The following ANKFN1 variants were observed in gnomAD, a reference collection of about 807,000 sequenced individuals.
ANKFN1 encodes the protein ankyrin repeat and fibronectin type-III domain-containing protein 1.
Under a neutral mutation model 108.7 loss-of-function variants are expected in ANKFN1, and 74 were observed. That is an observed-to-expected ratio of 0.68 (90% CI 0.56 to 0.83). ANKFN1 has a LOEUF of 0.83. Among genes scored for constraint, ANKFN1 ranks in the 40% least tolerant of loss-of-function variants. The pLI is 0.00. For missense variants in ANKFN1, 1,505 were observed against 1,382.3 expected, an observed-to-expected ratio of 1.09 and a Z score of -1.41; for synonymous variants, 547 against 516.2, an observed-to-expected ratio of 1.06 and a Z score of -0.81.
intron 3 of ANKFN1, among the ~76,000 whole-genome samples, chr17:56,256,682 TTATC>T (rs201632573): frequency 0.013 from 1,962 of 152,344 alleles, 88 homozygotes; most frequent in Admixed American, 0.083. Flanking sequence ...AACAAGCCCT[TTATC>T]TATTATACAC....
At chr17:56,052,111 A>C (rs1005219247) in intron 4 of ANKFN1, among the ~76,000 whole-genome samples, 1 of 152,022 alleles carries the variant, frequency 6.6e-6, no homozygotes, top group Non-Finnish European at 1.5e-5. Context: ...CGCATTGCCA[A>C]GTCAATCCTA....
intron 5 of ANKFN1, among the ~76,000 whole-genome samples, chr17:56,352,508 A>G (rs950515215): frequency 2.2e-4 from 33 of 152,212 alleles, no homozygotes; most frequent in African/African-American, 7.2e-4. Context: ...AGATGTGTAA[A>G]TAATACGTGT....
intron 8 of ANKFN1, among the ~76,000 whole-genome samples, chr17:56,407,931 C>CTTTTTTTTTTTTTTTTTT (rs761975892): frequency 9.6e-6 from 1 of 104,622 alleles, no homozygotes; most frequent in African/African-American, 3.4e-5. Flanking sequence ...TCTTTTTTAT[C>CTTTTTTTTTTTTTTTTTT]TTTTTTTTTT....
At chr17:56,183,017 T>C (rs1021253232) in intron 1 of ANKFN1, among the ~76,000 whole-genome samples, 1 of 152,188 alleles carries the variant, frequency 6.6e-6, no homozygotes, top group African/African-American at 2.4e-5. Flanking sequence ...TATTGAAACA[T>C]GCTGCTCAGA....
chr17:56,304,225 C>T (rs80058472), intron 3 of ANKFN1, among the ~76,000 whole-genome samples: 10,075 of 152,104 alleles, frequency 0.066, 595 homozygotes, highest in African/African-American at 0.15. Flanking sequence ...TTTTACATTT[C>T]AAAAATGTTA....
At chr17:56,349,817 G>C (rs1329585351) in intron 4 of ANKFN1, among the ~76,000 whole-genome samples, 1 of 152,092 alleles carries the variant, frequency 6.6e-6, no homozygotes, top group Non-Finnish European at 1.5e-5. Context: ...TGGTGAGAAG[G>C]CAGTGACATG....
intron 3 of ANKFN1, among the ~76,000 whole-genome samples, chr17:56,311,391 T>A (rs76143725): frequency 0.028 from 4,228 of 152,242 alleles, 210 homozygotes; most frequent in African/African-American, 0.095. Flanking sequence ...CAAGTACAGG[T>A]TGAGCATCCC....
At chr17:56,235,703 A>G (rs920089951) in intron 3 of ANKFN1, among the ~76,000 whole-genome samples, 1 of 152,014 alleles carries the variant, frequency 6.6e-6, no homozygotes, top group African/African-American at 2.4e-5. Flanking sequence ...ATTCTGTTCC[A>G]TTGGCCTATG....
chr17:56,119,626 T>G (rs1158444633), intron 4 of ANKFN1, among the ~76,000 whole-genome samples: 1 of 152,168 alleles, frequency 6.6e-6, no homozygotes, highest in East Asian at 1.9e-4. Flanking sequence ...TACTTATGGC[T>G]ATTGGTAAGA....
chr17:56,326,458 T>TA (rs980917348), intron 4 of ANKFN1, 103 bp downstream of exon 4: 2 of 1,411,722 alleles, frequency 1.4e-6, no homozygotes, highest in African/African-American at 1.5e-5. Context: ...AAATGATACT[T>TA]AAAAATCTGC....
intron 11 of ANKFN1, among the ~76,000 whole-genome samples, chr17:56,449,927 C>T: frequency 6.6e-6 from 1 of 152,292 alleles, no homozygotes; most frequent in African/African-American, 2.4e-5. Context: ...CCCAGAGAAT[C>T]TCTGAGAAGG....
At chr17:56,421,953 G>A (rs746491422) in intron 8 of ANKFN1, among the ~76,000 whole-genome samples, 16 of 152,040 alleles carry the variant, frequency 1.1e-4, no homozygotes, top group African/African-American at 2.4e-4. Flanking sequence ...TTTTCCATGC[G>A]TGATGTCATA....
intron 2 of ANKFN1, among the ~76,000 whole-genome samples, chr17:56,220,826 G>C (rs1361449312): frequency 1.2e-4 from 6 of 52,104 alleles, no homozygotes; most frequent in South Asian, 7.6e-4. Flanking sequence ...AAGGAAGGAA[G>C]GAAGGGAGGA....
intron 4 of ANKFN1, among the ~76,000 whole-genome samples, chr17:56,056,060 G>A (rs1904872014): frequency 6.6e-6 from 1 of 151,596 alleles, no homozygotes; most frequent in African/African-American, 2.4e-5. Flanking sequence ...TCTTTGCCCA[G>A]TTTTTAATGT....
At chr17:56,451,697 A>G (rs2145210070) in intron 11 of ANKFN1, among the ~76,000 whole-genome samples, 1 of 152,324 alleles carries the variant, frequency 6.6e-6, no homozygotes, top group South Asian at 2.1e-4. Flanking sequence ...AGAGTAAATT[A>G]GGTGCATTAA....
At chr17:56,123,384 G>T (rs1315288580) in intron 4 of ANKFN1, among the ~76,000 whole-genome samples, 3 of 152,318 alleles carry the variant, frequency 2.0e-5, no homozygotes, top group African/African-American at 7.2e-5. Flanking sequence ...GCTTGAAGAT[G>T]ATGGGGAGGG....
chr17:56,356,051 G>A (rs552886205), intron 6 of ANKFN1, among the ~76,000 whole-genome samples: 12 of 152,130 alleles, frequency 7.9e-5, no homozygotes, highest in African/African-American at 2.6e-4. Context: ...ATAATATATG[G>A]TCTTCTGTGA....
intron 3 of ANKFN1, among the ~76,000 whole-genome samples, chr17:56,272,452 C>G (rs193252153): frequency 4.4e-4 from 67 of 152,236 alleles, no homozygotes; most frequent in African/African-American, 1.5e-3. Flanking sequence ...ATAATATCAT[C>G]AGGGTTAGCA....
intron 4 of ANKFN1, among the ~76,000 whole-genome samples, chr17:56,082,883 A>G (rs1905265595): frequency 6.6e-6 from 1 of 151,734 alleles, no homozygotes; most frequent in Non-Finnish European, 1.5e-5. Context: ...GTTTAGGTAA[A>G]TTTGAGATGA....
Sources: gnomAD v4.1 joint callset for allele counts (sites outside exome capture counted in the v4.1 genomes callset) on GRCh38, gnomAD v4.1.1 for gene constraint, MANE v1.5 for transcripts, NCBI Gene and HGNC (gene_info 2026-07-23, HGNC 2026-07-21) for gene names.